HIVEP2: variants seen among roughly 807,000 people sequenced by gnomAD.
The protein encoded by HIVEP2 is HIVEP zinc finger 2, also known as transcription factor HIVEP2.
HIVEP2 carries 14 observed loss-of-function variants against 180.7 expected under a neutral mutation model. That is an observed-to-expected ratio of 0.08 (90% confidence interval 0.05 to 0.12). The LOEUF is 0.12. Among genes scored for constraint, HIVEP2 ranks in the 10% least tolerant of loss-of-function variants. The pLI is 1.00. For missense variants in HIVEP2, 2,579 were observed against 3,008.5 expected (o/e 0.86, Z 3.34); for synonymous variants, 1,184 against 1,136.4 (o/e 1.04, Z -0.84).
intron 1 of HIVEP2, among the ~76,000 whole-genome samples, chr6:142,907,609 C>T (rs1285929336): frequency 6.6e-6 from 1 of 152,192 alleles, no homozygotes; most frequent in Non-Finnish European, 1.5e-5. Context: ...TACCCTACTC[C>T]AGCAGCCTGT....
chr6:142,822,964 C>G (rs990384886), intron 2 of HIVEP2, among the ~76,000 whole-genome samples: 1 of 152,204 alleles, frequency 6.6e-6, no homozygotes, highest in Non-Finnish European at 1.5e-5. Context: ...CCCACCTGCT[C>G]ACACAGGACC....
rs771528173 is a variant in HIVEP2 at position 142,764,767 on chromosome 6, T to A, written c.5518+32A>T. On this transcript the variant is annotated intron_variant, in intron 7 of 9. Coordinates refer to ENST00000367603, the MANE Select transcript of HIVEP2 (RefSeq NM_006734.4). ...AGAAATCTAAGTAGCCATAGAGAAGTATTTTTCCTCTCAAAAAAATCAGAC... is the reference window on the plus strand; with the variant it reads ...AGAAATCTAAGTAGCCATAGAGAAGAATTTTTCCTCTCAAAAAAATCAGAC... The A allele has an allele frequency of 7.1e-6, 11 of 1,550,618 alleles. No individual in the cohort carries two copies. The African/African-American group carries it at 1.5e-4, about 21-fold the overall frequency.
chr6:142,846,753 A>G (rs754245037), intron 1 of HIVEP2, among the ~76,000 whole-genome samples: 1 of 152,184 alleles, frequency 6.6e-6, no homozygotes, highest in Non-Finnish European at 1.5e-5. Flanking sequence ...TAATCATCTT[A>G]TGTCCTCACT....
intron 1 of HIVEP2, among the ~76,000 whole-genome samples, chr6:142,895,029 C>A (rs561757498): frequency 5.9e-5 from 9 of 152,306 alleles, no homozygotes; most frequent in African/African-American, 2.2e-4. Context: ...TTATAACAGT[C>A]CTGCTCCATG....
chr6:142,839,605 T>C (rs1042405394), intron 1 of HIVEP2, among the ~76,000 whole-genome samples: 1 of 152,134 alleles, frequency 6.6e-6, no homozygotes, highest in South Asian at 2.1e-4. Flanking sequence ...TGACTTTCTC[T>C]AGCTGAGTGG....
Position 142,752,891 on chromosome 6 carries a change from T to TACAGATTTAAAAGTA in HIVEP2, c.*215_*216insTACTTTTAAATCTGT. The TACAGATTTAAAAGTA allele has an allele frequency of 1.9e-6, 1 of 523,268 alleles. No homozygotes were observed. Among genetic ancestry groups the TACAGATTTAAAAGTA allele is most frequent in the Non-Finnish European group, 3.4e-6 (1 of 295,010 alleles). 32.4% of individuals were successfully genotyped at this position (523,268 alleles called of 1,614,324 possible). On this transcript the variant is annotated 3_prime_UTR_variant, in exon 10 of 10. Coordinates refer to ENST00000367603, the MANE Select transcript of HIVEP2 (RefSeq NM_006734.4). ...ACAAACATCTGTACAATTTTAAAAG[T>TACAGATTTAAAAGTA]ACCAGACCCAATAGGTTAATTTCAA...
chr6:142,811,278 G>A lies in HIVEP2; in HGVS notation c.-528+25657C>T, dbSNP rs188784719. 1.5e-3 allele frequency among the ~76,000 whole-genome samples: 222 copies of A among 152,232 alleles called. 1 individual carries two copies. Among genetic ancestry groups the A allele is most frequent in the Non-Finnish European group, 2.3e-3 (159 of 68,018 alleles). ...CATTCCACCATGGAATGACCTCAGA[G>A]CACTGTAAAGCAAATCATTAAAAAT... On this transcript the variant is annotated intron_variant, in intron 2 of 9. Transcript: ENST00000367603.
At chr6:142,824,187 G>C (rs1414144222) in intron 2 of HIVEP2, among the ~76,000 whole-genome samples, 1 of 152,036 alleles carries the variant, frequency 6.6e-6, no homozygotes, top group Non-Finnish European at 1.5e-5. Context: ...AAAAAGCAGA[G>C]ATTTTTAAGA....
chr6:142,867,873 C>G (rs1022152618), intron 1 of HIVEP2, among the ~76,000 whole-genome samples: 2 of 152,100 alleles, frequency 1.3e-5, no homozygotes, highest in African/African-American at 2.4e-5. Flanking sequence ...TTTCTTGAAA[C>G]GTTGTGCTAG....
chr6:142,856,473 A>T (rs1363688845), intron 1 of HIVEP2, among the ~76,000 whole-genome samples: 1 of 152,240 alleles, frequency 6.6e-6, no homozygotes, highest in Non-Finnish European at 1.5e-5. Context: ...TGTGCTACAG[A>T]AATCAATAGC....
At chr6:142,846,507 A>G (rs1393958603) in intron 1 of HIVEP2, among the ~76,000 whole-genome samples, 1 of 152,092 alleles carries the variant, frequency 6.6e-6, no homozygotes, top group Non-Finnish European at 1.5e-5. Context: ...TTGCTACTAG[A>G]CTCCCAGATA....
At position 142,769,989 on chromosome 6, in the gene HIVEP2, T is replaced by G. The variant is rs200341815; in HGVS notation, c.4750A>C (p.Ser1584Arg). 72 of 1,614,116 alleles carry G rather than the reference T, an allele frequency of 4.5e-5. No individual in the cohort carries two copies. The African/African-American group carries it at 9.2e-4, about 21-fold the overall frequency. ...CCATCTCCTGCTGGTAATGAAGAAC[T>G]CTGTGGGCTCATGCTCATGTCCGAT... ...TASDMSMSPQ[S>R]SSLPAGDGQL... Residue 1584 changes from serine to arginine, a missense_variant, in exon 5 of 10, where the codon AGT becomes CGT. Transcript: ENST00000367603.
At chr6:142,860,265 A>G (rs984311158) in intron 1 of HIVEP2, among the ~76,000 whole-genome samples, 7 of 152,204 alleles carry the variant, frequency 4.6e-5, no homozygotes, top group Admixed American at 3.9e-4. Flanking sequence ...AGGAAAATAT[A>G]TGTATATTTT....
At chr6:142,863,080 T>C (rs1776047415) in intron 1 of HIVEP2, among the ~76,000 whole-genome samples, 1 of 144,546 alleles carries the variant, frequency 6.9e-6, no homozygotes, top group Non-Finnish European at 1.5e-5. Flanking sequence ...TAATTATATG[T>C]AATATATAAT....
In HIVEP2 at chr6:142,761,574, T is replaced by C. The variant is rs767732805; in HGVS notation, c.5519-9A>G. On this transcript the variant is annotated splice_polypyrimidine_tract_variant and intron_variant, in intron 7 of 9. Transcript: ENST00000367603. Reference sequence around the variant, plus strand: ...ATGCTTCGTTAGGTTTCCTTGAAAATGTAGCAAAAAAAAGAGAGAAATTAA... The same window carrying C: ...ATGCTTCGTTAGGTTTCCTTGAAAACGTAGCAAAAAAAAGAGAGAAATTAA... The C allele has an allele frequency of 1.3e-6, 2 of 1,488,156 alleles. No homozygotes were observed. The highest frequency in any genetic ancestry group is 1.9e-6 in the Non-Finnish European group (2 of 1,068,464). The allele number at this position is 1,488,156 out of a possible 1,614,324, so 92.2% of individuals were successfully genotyped here.
chr6:142,815,332 G>A (rs749506940), intron 2 of HIVEP2, among the ~76,000 whole-genome samples: 19 of 152,118 alleles, frequency 1.2e-4, no homozygotes, highest in Non-Finnish European at 2.1e-4. Context: ...AGGAGTAATC[G>A]GGCAAGTAGC....
Position 142,753,668 on chromosome 6 carries a change from A to G in HIVEP2, c.6780T>C (p.Phe2260=). The change falls in exon 10 of 10, where the codon TTT becomes TTC. Residue 2260 remains phenylalanine, a synonymous_variant. Coordinates refer to ENST00000367603, the MANE Select transcript of HIVEP2 (RefSeq NM_006734.4). Reference sequence around the variant, plus strand: ...CCCCTGACGCGCCTTTCTTCTCCTCAAAGCCCTCCATTGGCAGGGGCAATG... The same window carrying G: ...CCCCTGACGCGCCTTTCTTCTCCTCGAAGCCCTCCATTGGCAGGGGCAATG... ...SPTLPLPMEG[F]EEKKGASGES... The G allele has an allele frequency of 6.2e-7, 1 of 1,614,170 alleles. No homozygotes were observed. Among genetic ancestry groups the G allele is most frequent in the Non-Finnish European group, 8.5e-7 (1 of 1,180,030 alleles).
intron 1 of HIVEP2, among the ~76,000 whole-genome samples, chr6:142,844,183 A>G (rs1775446899): frequency 6.6e-6 from 1 of 152,192 alleles, no homozygotes; most frequent in Non-Finnish European, 1.5e-5. Flanking sequence ...TAATCTTAAA[A>G]GAGTTTTTCC....
chr6:142,809,933 C>T (rs1278863429), intron 2 of HIVEP2, among the ~76,000 whole-genome samples: 1 of 152,116 alleles, frequency 6.6e-6, no homozygotes, highest in South Asian at 2.1e-4. Context: ...GTACAATCAT[C>T]ATTGTTAACA....
Sources: gnomAD v4.1 joint callset for allele counts (sites outside exome capture counted in the v4.1 genomes callset) on GRCh38, gnomAD v4.1.1 for gene constraint, MANE v1.5 for transcripts, NCBI Gene and HGNC (gene_info 2026-07-23, HGNC 2026-07-21) for gene names.